TNS3: variants seen among roughly 807,000 people sequenced by gnomAD.
TNS3 encodes the protein tensin-3.
TNS3 carries 45 observed loss-of-function variants against 140.9 expected under a neutral mutation model. The observed-to-expected ratio is 0.32, with a 90% confidence interval of 0.25 to 0.41. The LOEUF (loss-of-function observed/expected upper bound fraction) is 0.41, where lower values mean the gene tolerates loss of function less well. Among genes scored for constraint, TNS3 ranks in the 10% least tolerant of loss-of-function variants. The probability of loss-of-function intolerance (pLI) is 1.00; values close to 1 mark genes in which losing one functional copy is unlikely to be tolerated. For synonymous variants in TNS3, 815 were observed against 788.4 expected (o/e 1.03, Z -0.56); for missense variants, 1,716 against 1,906.7 (o/e 0.90, Z 1.86).
intron 20 of TNS3, among the ~76,000 whole-genome samples, chr7:47,322,823 T>C (rs1199618899): frequency 6.6e-6 from 1 of 152,152 alleles, no homozygotes; most frequent in East Asian, 1.9e-4. Flanking sequence ...AAGAGCAGCC[T>C]GCCTCCGCTC....
intron 19 of TNS3, 41 bp from the exon 20 acceptor site, chr7:47,344,879 T>C (rs1238930770): frequency 1.2e-6 from 2 of 1,613,286 alleles, no homozygotes; most frequent in Non-Finnish European, 1.7e-6. Flanking sequence ...GTCACCCTCC[T>C]TGGGCATGGA....
At chr7:47,474,117 A>ACAC (rs1797067138) in intron 4 of TNS3, among the ~76,000 whole-genome samples, 2 of 145,326 alleles carry the variant, frequency 1.4e-5, no homozygotes, top group Admixed American at 1.4e-4. Flanking sequence ...AGCAAGTCTC[A>ACAC]ACACACACAC....
At chr7:47,381,070 A>G (rs1791727741) in intron 16 of TNS3, among the ~76,000 whole-genome samples, 1 of 152,206 alleles carries the variant, frequency 6.6e-6, no homozygotes, top group Non-Finnish European at 1.5e-5. Flanking sequence ...TTTGAACTCC[A>G]GAGGCTGAAA....
intron 1 of TNS3, among the ~76,000 whole-genome samples, chr7:47,546,219 C>T (rs868234499): frequency 6.6e-6 from 1 of 152,212 alleles, no homozygotes; most frequent in African/African-American, 2.4e-5. Flanking sequence ...AAATTGCAAC[C>T]GACCTCAAAA....
At position 47,276,439 on chromosome 7, in the gene TNS3, C is replaced by T. The variant is rs919943507; in HGVS notation, c.*1637G>A. Reference sequence around the variant, plus strand: ...AGAGTTCACAAAGCACATTCCCAAACCCCAGCTCCCTGACAGGAGCTTGTG... The same window carrying T: ...AGAGTTCACAAAGCACATTCCCAAATCCCAGCTCCCTGACAGGAGCTTGTG... On this transcript the variant is annotated 3_prime_UTR_variant, in exon 31 of 31. Transcript: ENST00000311160. 1 of 152,274 alleles carries T rather than the reference C, an allele frequency of 6.6e-6. No homozygotes were observed. The highest frequency in any genetic ancestry group is 6.5e-5 in the Admixed American group (1 of 15,292). The allele number at this position is 152,274 out of a possible 1,614,324, so 9.4% of individuals were successfully genotyped here. A position where few individuals can be genotyped will look rare whatever the true frequency, so the allele number is the denominator to read the frequency against.
upstream of TNS3, chr7:47,582,197 CG>C (rs1270772033): frequency 6.6e-6 from 1 of 150,960 alleles, no homozygotes; most frequent in African/African-American, 2.4e-5. Flanking sequence ...TCGCCACGGC[CG>C]GCCCCCGCGC....
chr7:47,361,205 C>CCAAAAAAAAAAAAAAAAAAAAAAAAAAAA, intron 17 of TNS3, among the ~76,000 whole-genome samples: 1 of 18,138 alleles, frequency 5.5e-5, no homozygotes, highest in Non-Finnish European at 3.3e-4. Flanking sequence ...AGTAACCATG[C>CCAAAAAAAAAAAAAAAAAAAAAAAAAAAA]CAAAAAAAAA....
intron 1 of TNS3, among the ~76,000 whole-genome samples, chr7:47,572,656 G>A (rs540682823): frequency 2.0e-5 from 3 of 152,100 alleles, no homozygotes; most frequent in East Asian, 1.9e-4. Context: ...CGGGCAGATC[G>A]CCTGAGGTCA....
intron 1 of TNS3, among the ~76,000 whole-genome samples, chr7:47,572,565 TG>T (rs907589477): frequency 1.4e-5 from 1 of 72,102 alleles, no homozygotes; most frequent in Non-Finnish European, 2.8e-5. Context: ...TTAATGGAGG[TG>T]GGGGTGGGGA....
chr7:47,525,145 C>T (rs929425907), intron 2 of TNS3, among the ~76,000 whole-genome samples: 2 of 152,198 alleles, frequency 1.3e-5, no homozygotes, highest in East Asian at 1.9e-4. Flanking sequence ...CTGGCAGCCC[C>T]GCTGCTTGTC....
intron 4 of TNS3, among the ~76,000 whole-genome samples, chr7:47,475,146 C>T (rs1265091773): frequency 6.6e-6 from 1 of 152,210 alleles, no homozygotes; most frequent in Non-Finnish European, 1.5e-5. Context: ...ACACACACCA[C>T]AGACCACAGA....
chr7:47,331,821 C>T (rs917583514), intron 20 of TNS3, among the ~76,000 whole-genome samples: 1 of 152,198 alleles, frequency 6.6e-6, no homozygotes, highest in African/African-American at 2.4e-5. Context: ...AACATGTCTA[C>T]ATATGTGTGT....
At chr7:47,371,925 G>A (rs1276216271) in intron 16 of TNS3, among the ~76,000 whole-genome samples, 5 of 152,236 alleles carry the variant, frequency 3.3e-5, no homozygotes, top group South Asian at 2.1e-4. Flanking sequence ...GAGGGTGTGG[G>A]TAGATGGTTC....
intron 20 of TNS3, among the ~76,000 whole-genome samples, chr7:47,318,103 C>T (rs1246305441): frequency 6.6e-6 from 1 of 152,198 alleles, no homozygotes; most frequent in African/African-American, 2.4e-5. Context: ...CTATCCTCCA[C>T]CCAAGTCCCC....
chr7:47,371,415 G>A (rs1284451643), intron 16 of TNS3, among the ~76,000 whole-genome samples: 1 of 152,216 alleles, frequency 6.6e-6, no homozygotes, highest in Non-Finnish European at 1.5e-5. Flanking sequence ...TCAGGCAGCT[G>A]CTAGGAGGTG....
chr7:47,412,814 T>TA (rs1793849473), intron 12 of TNS3, among the ~76,000 whole-genome samples: 1 of 152,168 alleles, frequency 6.6e-6, no homozygotes, highest in African/African-American at 2.4e-5. Context: ...TAATAGAAGT[T>TA]AAAAAACAAT....
At chr7:47,406,158 G>A (rs947059751) in intron 13 of TNS3, among the ~76,000 whole-genome samples, 6 of 152,180 alleles carry the variant, frequency 3.9e-5, no homozygotes, top group Non-Finnish European at 7.3e-5. Flanking sequence ...CTGCCCTTTT[G>A]AAAGGAGCAG....
At chr7:47,393,235 A>G (rs915951981) in intron 16 of TNS3, among the ~76,000 whole-genome samples, 8 of 152,210 alleles carry the variant, frequency 5.3e-5, no homozygotes, top group Non-Finnish European at 8.8e-5. Flanking sequence ...TCTTTTTGAT[A>G]ATTTACATCT....
At chr7:47,291,837 C>T (rs1785722338) in intron 27 of TNS3, 118 bp downstream of exon 27, 2 of 1,157,626 alleles carry the variant, frequency 1.7e-6, no homozygotes, top group Admixed American at 2.4e-5. Context: ...AGGAAACCTC[C>T]TTCAAGGCTC....
Sources: allele counts gnomAD v4.1 joint callset (sites outside exome capture counted in the v4.1 genomes callset), GRCh38; gene constraint gnomAD v4.1.1; transcripts MANE v1.5; gene names NCBI Gene and HGNC (gene_info 2026-07-23, HGNC 2026-07-21).